The following ABCB5 variants were observed in gnomAD, a reference collection of about 807,000 sequenced individuals.
ABCB5 encodes the protein ATP-binding cassette sub-family B member 5.
A neutral mutation model predicts 144.2 loss-of-function variants in ABCB5; 155 were observed. That is an observed-to-expected ratio of 1.08 (90% CI 0.94 to 1.23). ABCB5 has a LOEUF of 1.23. ABCB5 is among the 50% of genes most tolerant of loss of function. ABCB5 has a pLI of 0.00. For missense variants in ABCB5, 1,830 were observed against 1,520.8 expected (o/e 1.20, Z -3.38); for synonymous variants, 610 against 528.6 (o/e 1.15, Z -2.11).
rs1784449598 is a variant in ABCB5, at chr7:20,647,655, C to G, written c.1095+7C>G. 5 of 1,553,876 alleles carry G rather than the reference C, an allele frequency of 3.2e-6. No individual in the cohort carries two copies. Among genetic ancestry groups the G allele is most frequent in the South Asian group, 1.2e-5 (1 of 83,282 alleles). On this transcript the variant is annotated splice_region_variant and intron_variant, in intron 10 of 27. Coordinates refer to ENST00000404938, the MANE Select transcript of ABCB5 (RefSeq NM_001163941.2). Reference sequence around the variant, plus strand: ...TTTCCAGGTTATTGATAAGGTAAGACCTCTTATTGCTTTGAAGAATAACTA... The same window carrying G: ...TTTCCAGGTTATTGATAAGGTAAGAGCTCTTATTGCTTTGAAGAATAACTA...
At chr7:20,742,471 C>T (rs10231520) in intron 24 of ABCB5, among the ~76,000 whole-genome samples, 44,059 of 152,052 alleles carry the variant, frequency 0.29, 6,901 homozygotes, top group Non-Finnish European at 0.36. Context: ...AGAAATAACC[C>T]TCATACATAT....
At chr7:20,718,216 A>G (rs1299467257) in intron 20 of ABCB5, among the ~76,000 whole-genome samples, 1 of 152,032 alleles carries the variant, frequency 6.6e-6, no homozygotes, top group Non-Finnish European at 1.5e-5. Context: ...GCCCAAATAC[A>G]GTAACATTCT....
intron 16 of ABCB5, among the ~76,000 whole-genome samples, chr7:20,689,155 C>T (rs1463785685): frequency 1.3e-5 from 2 of 151,996 alleles, no homozygotes; most frequent in African/African-American, 2.4e-5. Flanking sequence ...AAAGTTAAGA[C>T]ACCTCTAAAG....
At chr7:20,618,269 G>C (rs1783730791) in intron 1 of ABCB5, among the ~76,000 whole-genome samples, 1 of 151,960 alleles carries the variant, frequency 6.6e-6, no homozygotes, top group African/African-American at 2.4e-5. Context: ...GCCTGCTCTA[G>C]GCACTTCATA....
At chr7:20,738,261 T>C (rs1782452288) in intron 23 of ABCB5, among the ~76,000 whole-genome samples, 1 of 152,174 alleles carries the variant, frequency 6.6e-6, no homozygotes, top group Non-Finnish European at 1.5e-5. Context: ...TAAAATGAAA[T>C]CGAAAATGAG....
chr7:20,652,986 G>T (rs950852439), intron 13 of ABCB5, among the ~76,000 whole-genome samples: 6 of 152,108 alleles, frequency 3.9e-5, no homozygotes, highest in African/African-American at 1.4e-4. Flanking sequence ...CATTATTTAG[G>T]ATCATAATTA....
At chr7:20,730,596 A>G (rs1782177897) in intron 23 of ABCB5, among the ~76,000 whole-genome samples, 1 of 152,214 alleles carries the variant, frequency 6.6e-6, no homozygotes. Context: ...ACTATTGCCC[A>G]TGTGAATTTA....
intron 16 of ABCB5, among the ~76,000 whole-genome samples, chr7:20,691,055 T>A (rs1376652726): frequency 1.3e-5 from 2 of 151,950 alleles, no homozygotes; most frequent in Non-Finnish European, 2.9e-5. Context: ...AGGATAGTGA[T>A]CTCTGTGGAA....
rs1464229087 is a variant in ABCB5 at position 20,650,027 on chromosome 7, G to T, written c.1212G>T (p.Leu404=). Reference sequence around the variant, plus strand: ...CCCTCCATACATTCCAATAGATTCTGAAAGGTCTGAATCTCAGAATTAAGT... The same window carrying T: ...CCCTCCATACATTCCAATAGATTCTTAAAGGTCTGAATCTCAGAATTAAGT... ...NYPSRPSIKI[L]KGLNLRIKSG... The change falls in exon 12 of 28, where the codon CTG becomes CTT. Residue 404 remains leucine, a synonymous_variant. Transcript: ENST00000404938. 1 of 1,611,372 alleles carries T rather than the reference G, an allele frequency of 6.2e-7. No homozygotes were observed. The highest frequency in any genetic ancestry group is 8.5e-7 in the Non-Finnish European group (1 of 1,178,576).
In ABCB5 at chr7:20,711,818, T is replaced by C. The variant is rs1242458681; in HGVS notation, c.2421+7011T>C. 2.3e-4 allele frequency among the ~76,000 whole-genome samples: 12 copies of C among 51,386 alleles called. 3 individuals are homozygous for C. Among genetic ancestry groups the C allele is most frequent in the African/African-American group, 1.8e-3 (10 of 5,462 alleles). 33.7% of individuals were successfully genotyped at this position (51,386 alleles called of 152,430 possible). Reference sequence around the variant, plus strand: ...TTTCTTTCTTTCTTTCTTTCTTTCTTTCTTTCTTTCTTTCTTTCTTTCTTT... The same window carrying C: ...TTTCTTTCTTTCTTTCTTTCTTTCTCTCTTTCTTTCTTTCTTTCTTTCTTT... On this transcript the variant is annotated intron_variant, in intron 20 of 27. Coordinates refer to ENST00000404938, the MANE Select transcript of ABCB5 (RefSeq NM_001163941.2).
At chr7:20,658,357 C>A in intron 13 of ABCB5, 149 bp from the exon 14 acceptor site, 12 of 527,298 alleles carry the variant, frequency 2.3e-5, no homozygotes, top group Admixed American at 9.3e-5. Flanking sequence ...GGTTTGTTTT[C>A]ACAAAGAACA....
chr7:20,626,999 T>C (rs1268569430), intron 3 of ABCB5, among the ~76,000 whole-genome samples: 1 of 152,110 alleles, frequency 6.6e-6, no homozygotes, highest in Non-Finnish European at 1.5e-5. Context: ...TCTGCATTGT[T>C]ATGTGTTGTT....
chr7:20,693,679 A>G (rs1786308710), intron 16 of ABCB5, among the ~76,000 whole-genome samples: 1 of 152,078 alleles, frequency 6.6e-6, no homozygotes, highest in South Asian at 2.1e-4. Context: ...CTTCCACCTT[A>G]AGATACCAGA....
At position 20,687,820 on chromosome 7, in the gene ABCB5, G is replaced by A. The variant is rs142071298; in HGVS notation, c.2010+1984G>A. 4.2e-3 allele frequency among the ~76,000 whole-genome samples: 642 copies of A among 152,300 alleles called. 2 individuals are homozygous for A. The highest frequency in any genetic ancestry group is 5.6e-3 in the Non-Finnish European group (379 of 68,028). On this transcript the variant is annotated intron_variant, in intron 16 of 27. Transcript: ENST00000404938. The stretch of plus-strand genomic sequence containing the variant: ...GGATTGCTTGAGCTTAGGAGTTCAA[G>A]GCTGCAGTGAGCTATGATCATGCCA...
chr7:20,675,369 G>A (rs1411083778), intron 14 of ABCB5, among the ~76,000 whole-genome samples: 3 of 151,830 alleles, frequency 2.0e-5, no homozygotes, highest in South Asian at 2.1e-4. Flanking sequence ...CCTTTGACAA[G>A]GGTGCAAAGA....
At chr7:20,656,297 T>A (rs938290435) in intron 13 of ABCB5, among the ~76,000 whole-genome samples, 5 of 152,152 alleles carry the variant, frequency 3.3e-5, no homozygotes, top group African/African-American at 1.2e-4. Flanking sequence ...AAAACCTCCT[T>A]TTTAAAAGAC....
chr7:20,756,736 C>T lies in ABCB5; in HGVS notation c.*1112C>T, dbSNP rs1315483651. On this transcript the variant is annotated 3_prime_UTR_variant, in exon 28 of 28. Transcript: ENST00000404938. ...ATAATTTCCTTAAATTTTATATATA[C>T]TTTATCATATATAATGTGTGAATGA... 2.6e-5 allele frequency: 4 copies of T among 152,054 alleles called. No individual in the cohort carries two copies. The highest frequency in any genetic ancestry group is 2.0e-4 in the Admixed American group (3 of 15,272). 9.4% of individuals were successfully genotyped at this position (152,054 alleles called of 1,614,324 possible).
chr7:20,740,002 T>C (rs1437630685), intron 24 of ABCB5, among the ~76,000 whole-genome samples: 1 of 152,006 alleles, frequency 6.6e-6, no homozygotes, highest in African/African-American at 2.4e-5. Context: ...GAGGCCGAGG[T>C]GGGTGGATCA....
intron 20 of ABCB5, among the ~76,000 whole-genome samples, chr7:20,713,126 A>G (rs1390497469): frequency 6.7e-6 from 1 of 149,660 alleles, no homozygotes; most frequent in Admixed American, 6.7e-5. Context: ...GATTCTACAT[A>G]TAAGTGAGAT....
Sources: allele counts gnomAD v4.1 joint callset (sites outside exome capture counted in the v4.1 genomes callset), GRCh38; gene constraint gnomAD v4.1.1; transcripts MANE v1.5; gene names NCBI Gene and HGNC (gene_info 2026-07-23, HGNC 2026-07-21).